The following ABCA8 variants were observed in gnomAD, a reference collection of about 807,000 sequenced individuals.
ABCA8 encodes the protein ATP binding cassette subfamily A member 8, also known as ABC-type organic anion transporter ABCA8.
In ABCA8, 177 loss-of-function variants were observed where a neutral mutation model predicts 192.3. The observed-to-expected ratio is 0.92, with a 90% CI of 0.81 to 1.04. ABCA8 has a LOEUF of 1.04. Ranked by LOEUF, ABCA8 falls within the 50% of genes least tolerant of loss-of-function variation. The probability of loss-of-function intolerance (pLI) is 0.00; values close to 1 mark genes in which losing one functional copy is unlikely to be tolerated. For synonymous variants in ABCA8, 642 were observed against 690.2 expected (o/e 0.93, Z 1.09); for missense variants, 1,915 against 1,904.8 (o/e 1.01, Z -0.10).
intron 1 of ABCA8, among the ~76,000 whole-genome samples, chr17:68,952,636 A>G (rs1345314066): frequency 2.6e-5 from 4 of 152,132 alleles, no homozygotes; most frequent in African/African-American, 9.7e-5. Flanking sequence ...CCTCCTGTAC[A>G]GGGCTTGCAT....
intron 11 of ABCA8, 106 bp downstream of exon 11, chr17:68,924,595 C>G: frequency 8.1e-7 from 1 of 1,241,600 alleles, no homozygotes; most frequent in Non-Finnish European, 1.1e-6. Context: ...TAGGTGAGGA[C>G]AGGTGGGAAC....
At chr17:68,952,926 G>T (rs745469149) in intron 1 of ABCA8, among the ~76,000 whole-genome samples, 1 of 151,450 alleles carries the variant, frequency 6.6e-6, no homozygotes, top group Admixed American at 6.6e-5. Flanking sequence ...GGGTGATTTT[G>T]TAGGGGAATT....
intron 37 of ABCA8, among the ~76,000 whole-genome samples, chr17:68,871,776 C>T (rs1409744802): frequency 6.6e-6 from 1 of 152,068 alleles, no homozygotes; most frequent in Admixed American, 6.5e-5. Context: ...TAACATATTA[C>T]TTATGTGTTT....
intron 23 of ABCA8, among the ~76,000 whole-genome samples, chr17:68,892,736 A>G (rs1396992592): frequency 4.6e-5 from 7 of 152,200 alleles, no homozygotes; most frequent in Non-Finnish European, 1.0e-4. Context: ...CCCTAAAATC[A>G]TTTACTTTAA....
chr17:68,924,174 C>T (rs1482211006), intron 11 of ABCA8, among the ~76,000 whole-genome samples: 1 of 151,996 alleles, frequency 6.6e-6, no homozygotes, highest in African/African-American at 2.4e-5. Flanking sequence ...TGGAGAAACC[C>T]CGTCTCTATT....
intron 2 of ABCA8, among the ~76,000 whole-genome samples, chr17:68,947,873 G>T (rs1953714638): frequency 6.6e-6 from 1 of 152,030 alleles, no homozygotes; most frequent in Non-Finnish European, 1.5e-5. Context: ...TTAGGTATTT[G>T]TTCTAATGCC....
At chr17:68,900,493 C>A in intron 21 of ABCA8, among the ~76,000 whole-genome samples, 1 of 138,066 alleles carries the variant, frequency 7.2e-6, no homozygotes, top group African/African-American at 2.7e-5. Flanking sequence ...TACACTAGTA[C>A]ATTTCTACCT....
intron 35 of ABCA8, 183 bp downstream of exon 35, chr17:68,876,277 G>C: frequency 4.3e-6 from 3 of 698,182 alleles, no homozygotes; most frequent in Non-Finnish European, 7.0e-6. Context: ...AATAAGAAAT[G>C]GTTGTAAAAT....
At chr17:68,883,910 G>A in intron 28 of ABCA8, 28 bp from the exon 29 acceptor site, 1 of 1,346,334 alleles carries the variant, frequency 7.4e-7, no homozygotes, top group East Asian at 2.3e-5. Context: ...TGCACAATTA[G>A]AAACATAAAA....
chr17:68,895,639 G>A (rs1416928842), intron 21 of ABCA8, among the ~76,000 whole-genome samples: 3 of 152,158 alleles, frequency 2.0e-5, no homozygotes, highest in Non-Finnish European at 4.4e-5. Flanking sequence ...TCCCAGATCT[G>A]TGTAATAGAA....
At chr17:68,901,915 C>T (rs888472844) in intron 21 of ABCA8, among the ~76,000 whole-genome samples, 1 of 151,738 alleles carries the variant, frequency 6.6e-6, no homozygotes, top group Non-Finnish European at 1.5e-5. Flanking sequence ...ACATAGTTAC[C>T]ACGTGACCCA....
At chr17:68,914,568 C>A (rs2067306928) in intron 17 of ABCA8, among the ~76,000 whole-genome samples, 1 of 151,852 alleles carries the variant, frequency 6.6e-6, no homozygotes, top group African/African-American at 2.4e-5. Context: ...AAATAAGATA[C>A]CTAGTGATAA....
chr17:68,881,463 T>C (rs1288920492), intron 31 of ABCA8, among the ~76,000 whole-genome samples: 1 of 152,208 alleles, frequency 6.6e-6, no homozygotes, highest in Non-Finnish European at 1.5e-5. Context: ...GTGTTTCAGA[T>C]TCTGTCTCCT....
chr17:68,946,170 C>G (rs894199143), intron 2 of ABCA8, among the ~76,000 whole-genome samples: 14 of 152,030 alleles, frequency 9.2e-5, no homozygotes, highest in Admixed American at 6.6e-4. Flanking sequence ...CAGGTTCAAG[C>G]GATTCTCCTG....
rs2068323080 is a variant in ABCA8 at position 68,944,318 on chromosome 17, ATATATATATATATATATATATATAT to A, written c.-5-2304_-5-2280del. On this transcript the variant is annotated intron_variant, in intron 2 of 39. Coordinates refer to ENST00000586539, the MANE Select transcript of ABCA8 (RefSeq NM_001288985.2). ...CACATGTAGCCCAGAACTTAAAGTTATATATATATATATATATATATATATATATATATATATATATACACATATA... is the reference window on the plus strand; with the variant it reads ...CACATGTAGCCCAGAACTTAAAGTTAATATATATATATATATACACATATA... Among the ~76,000 whole-genome samples the A allele has an allele frequency of 2.1e-3, 116 of 55,064 alleles. 7 individuals carry two copies. Among genetic ancestry groups the A allele is most frequent in the Middle Eastern group, 0.018 (2 of 114 alleles). The allele number at this position is 55,064 out of a possible 152,430, so 36.1% of individuals were successfully genotyped here.
At chr17:68,878,498 G>A (rs2066261791) in intron 32 of ABCA8, 2 of 152,148 alleles carry the variant, frequency 1.3e-5, no homozygotes, top group African/African-American at 2.4e-5. Flanking sequence ...AGAGCAGCAA[G>A]CGTTCACTGA....
chr17:68,945,942 C>A (rs1229500540), intron 2 of ABCA8, among the ~76,000 whole-genome samples: 1 of 151,780 alleles, frequency 6.6e-6, no homozygotes, highest in African/African-American at 2.4e-5. Context: ...TCATAATAAG[C>A]CTTCATAAAT....
intron 37 of ABCA8, among the ~76,000 whole-genome samples, chr17:68,871,016 G>A (rs1464459134): frequency 1.3e-5 from 2 of 152,032 alleles, no homozygotes; most frequent in African/African-American, 4.8e-5. Flanking sequence ...ATTTTTTTGG[G>A]GGGAATAGCC....
rs531726906 is a variant in ABCA8, at chr17:68,929,963, C to T, written c.798-261G>A. Among the ~76,000 whole-genome samples the T allele has an allele frequency of 5.1e-5, 6 of 116,578 alleles. No homozygotes were observed. The Admixed American group carries it at 6.4e-4, about 12-fold the overall frequency. 76.5% of individuals were successfully genotyped at this position (116,578 alleles called of 152,430 possible). A position where few individuals can be genotyped will look rare whatever the true frequency, so the allele number is the denominator to read the frequency against. ...AGAAATACATTCACACACACATGCACATTGTTCTGGGGGGTGGGGGCGGTG... is the reference window on the plus strand; with the variant it reads ...AGAAATACATTCACACACACATGCATATTGTTCTGGGGGGTGGGGGCGGTG... On this transcript the variant is annotated intron_variant, in intron 7 of 39. Transcript: ENST00000586539.
Sources: allele counts gnomAD v4.1 joint callset (sites outside exome capture counted in the v4.1 genomes callset), GRCh38; gene constraint gnomAD v4.1.1; transcripts MANE v1.5; gene names NCBI Gene and HGNC (gene_info 2026-07-23, HGNC 2026-07-21).